NTRK1: variants seen among roughly 807,000 people sequenced by gnomAD.
NTRK1 encodes high affinity nerve growth factor receptor.
Under a neutral mutation model 86.8 loss-of-function variants are expected in NTRK1, and 62 were observed. That is an observed-to-expected ratio of 0.71 (90% confidence interval 0.58 to 0.88). The LOEUF (loss-of-function observed/expected upper bound fraction) is 0.88, where lower values mean the gene tolerates loss of function less well. Among genes scored for constraint, NTRK1 ranks in the 40% least tolerant of loss-of-function variants. The probability of loss-of-function intolerance (pLI) is 0.00; values close to 1 mark genes in which losing one functional copy is unlikely to be tolerated. For synonymous variants in NTRK1, 469 were observed against 456.6 expected (o/e 1.03, Z -0.35); for missense variants, 967 against 1,078.4 (o/e 0.90, Z 1.45).
At chr1:156,842,913 G>A in intron 2 of NTRK1, 1 of 984,874 alleles carries the variant, frequency 1.0e-6, no homozygotes, top group Non-Finnish European at 1.5e-6. Context: ...TGACCTTAAT[G>A]GTGCCCTAAC....
At chr1:156,845,841 T>C in intron 2 of NTRK1, 1 of 1,604,156 alleles carries the variant, frequency 6.2e-7, no homozygotes, top group Non-Finnish European at 8.5e-7. Flanking sequence ...AAGACACTAG[T>C]AAGACAGGCG....
At chr1:156,849,560 CG>C in intron 2 of NTRK1, 1 of 859,668 alleles carries the variant, frequency 1.2e-6, no homozygotes. Context: ...TTGCTGGGCC[CG>C]GGGAGAGGGG....
Position 156,816,833 on chromosome 1 carries a change from C to T in NTRK1, c.-64+995C>T, listed in dbSNP as rs1653996934. Reference sequence around the variant, plus strand: ...CCGGGGGCAGGAAATGTCGCCTTACCCACAGCCTTAGTTCTGGCGAGGACT... The same window carrying T: ...CCGGGGGCAGGAAATGTCGCCTTACTCACAGCCTTAGTTCTGGCGAGGACT... On this transcript the variant is annotated intron_variant, in intron 1 of 16. Transcript: ENST00000392302. 4.5e-6 allele frequency: 4 copies of T among 883,866 alleles called. No individual in the cohort carries two copies. In the African/African-American group the frequency reaches 5.3e-5, roughly 12 times the overall value. 54.8% of individuals were successfully genotyped at this position (883,866 alleles called of 1,614,324 possible). A position where few individuals can be genotyped will look rare whatever the true frequency, so the allele number is the denominator to read the frequency against.
At position 156,876,099 on chromosome 1, in the gene NTRK1, C is replaced by T. The variant is rs901135479; in HGVS notation, c.1521C>T (p.Arg507=). Residue 507 remains arginine (R), a synonymous_variant, in exon 13 of 17, where the codon CGC becomes CGT. Coordinates refer to ENST00000524377, the MANE Select transcript of NTRK1 (RefSeq NM_002529.4). ...CCTCAGGTGTTCACCACATCAAGCG[C>T]CGGGACATCGTGCTCAAGTGGGAGC... The part of the protein sequence containing the change: ...FSDACVHHIK[R]RDIVLKWELG... 1.2e-6 allele frequency: 2 copies of T among 1,614,222 alleles called. No individual in the cohort carries two copies. Among genetic ancestry groups the T allele is most frequent in the African/African-American group, 2.7e-5 (2 of 75,038 alleles).
At chr1:156,879,696 G>A (rs2102926289) in intron 15 of NTRK1, among the ~76,000 whole-genome samples, 1 of 152,278 alleles carries the variant, frequency 6.6e-6, no homozygotes, top group East Asian at 1.9e-4. Context: ...TGCAACCTCT[G>A]ACTCCCTGGT....
At position 156,864,297 on chromosome 1, in the gene NTRK1, G is replaced by C; in HGVS notation, c.213-57G>C. On this transcript the variant is annotated intron_variant, in intron 1 of 16. Transcript: ENST00000524377. ...GTATTGTGAGGGAGTAAGTGGGTGG[G>C]CATGGGAACTCAAGTGTGGGCCTGA... 2.6e-6 allele frequency: 4 copies of C among 1,553,446 alleles called. 1 individual carries two copies. In the South Asian group the frequency reaches 4.5e-5, roughly 17 times the overall value.
At chr1:156,843,724 T>G (rs1172399943) in intron 2 of NTRK1, among the ~76,000 whole-genome samples, 1 of 152,242 alleles carries the variant, frequency 6.6e-6, no homozygotes, top group Non-Finnish European at 1.5e-5. Context: ...AGCTAGTCCC[T>G]ATAGCCAAGC....
At chr1:156,880,906 C>G (rs1208547740) in intron 16 of NTRK1, among the ~76,000 whole-genome samples, 1 of 152,198 alleles carries the variant, frequency 6.6e-6, no homozygotes, top group Admixed American at 6.5e-5. Flanking sequence ...GCAGTTCTTC[C>G]TAGAGTCTAA....
chr1:156,841,328 TG>T, intron 1 of NTRK1: 2 of 1,074,740 alleles, frequency 1.9e-6, no homozygotes, highest in African/African-American at 5.3e-5. Flanking sequence ...GCCAGAATCA[TG>T]GGGCCGGGTG....
At chr1:156,858,790 GA>G, upstream of NTRK1, 2 of 621,526 alleles carry the variant, frequency 3.2e-6, no homozygotes, top group Non-Finnish European at 5.8e-6. Context: ...CAGAAAAAAA[GA>G]AATGAGAGTC....
rs1354236206 is a variant in NTRK1, at chr1:156,879,220, C to A, written c.1904C>A (p.Ala635Asp). The A allele has an allele frequency of 6.2e-7, 1 of 1,613,974 alleles. No individual in the cohort carries two copies. Among genetic ancestry groups the A allele is most frequent in the East Asian group, 2.2e-5 (1 of 44,890 alleles). Residue 635 changes from alanine to aspartate, a missense_variant, in exon 15 of 17, where the codon GCT (alanine) becomes GAT (aspartate). By Grantham distance (126) the Ala-to-Asp change is moderately radical. Around this residue, in one of 2 missense-constraint regions of NTRK1, gnomAD observed 637 missense variants for 776.5 expected, o/e 0.82. Transcript: ENST00000524377. The part of the protein sequence containing the change: ...GQLLAVASQV[A>D]AGMVYLAGLH... ...CTGCTGGCCGTGGCTAGCCAGGTCGCTGCGGGGATGGTGTACCTGGCGGGT... is the reference window on the plus strand; with the variant it reads ...CTGCTGGCCGTGGCTAGCCAGGTCGATGCGGGGATGGTGTACCTGGCGGGT...
chr1:156,843,536 C>T (rs2102855468), intron 2 of NTRK1: 2 of 1,528,226 alleles, frequency 1.3e-6, no homozygotes, highest in Non-Finnish European at 1.8e-6. Flanking sequence ...GAATGAGCAA[C>T]ATCAGAAGAA....
At chr1:156,843,704 C>T (rs921689783) in intron 2 of NTRK1, among the ~76,000 whole-genome samples, 1 of 152,250 alleles carries the variant, frequency 6.6e-6, no homozygotes, top group African/African-American at 2.4e-5. Context: ...AAAGGGGCTT[C>T]CGCCCTGTCA....
chr1:156,868,672 C>T, intron 6 of NTRK1, 25 bp downstream of exon 6: 1 of 1,549,280 alleles, frequency 6.5e-7, no homozygotes. Flanking sequence ...GCTGGCAGCC[C>T]CCAAGAGGTC....
intron 1 of NTRK1, among the ~76,000 whole-genome samples, chr1:156,839,842 T>A (rs922917439): frequency 6.6e-6 from 1 of 152,172 alleles, no homozygotes; most frequent in Non-Finnish European, 1.5e-5. Flanking sequence ...GCTCAACCAC[T>A]TCTGGTCCTG....
At chr1:156,845,015 C>A in intron 2 of NTRK1, 1 of 1,553,134 alleles carries the variant, frequency 6.4e-7, no homozygotes, top group Non-Finnish European at 8.7e-7. Context: ...AACCCCAAAC[C>A]TTTGCACAGG....
chr1:156,869,635 T>A (rs1023883187), intron 6 of NTRK1, among the ~76,000 whole-genome samples: 3 of 152,210 alleles, frequency 2.0e-5, no homozygotes, highest in African/African-American at 7.2e-5. Context: ...ATCTGTAAGC[T>A]GAGAAGGTGG....
chr1:156,824,845 C>T (rs1047543219), intron 1 of NTRK1, among the ~76,000 whole-genome samples: 1 of 152,120 alleles, frequency 6.6e-6, no homozygotes, highest in Admixed American at 6.5e-5. Context: ...TTACACGGCC[C>T]AGGAGGCAGA....
chr1:156,841,879 T>A, intron 1 of NTRK1: 1 of 1,607,246 alleles, frequency 6.2e-7, no homozygotes, highest in Non-Finnish European at 8.5e-7. Flanking sequence ...TCTCCCAATC[T>A]TCTCATCCTC....
Sources: gnomAD v4.1 joint callset for allele counts (sites outside exome capture counted in the v4.1 genomes callset) on GRCh38, gnomAD v4.1.1 for gene constraint, gnomAD v4.1.1 regional missense constraint, MANE v1.5 for transcripts, NCBI Gene and HGNC (gene_info 2026-07-23, HGNC 2026-07-21) for gene names.